Variants in NNMT observed in about 807,000 individuals in gnomAD.
NNMT encodes nicotinamide N-methyltransferase.
A neutral mutation model predicts 11.7 loss-of-function variants in NNMT; 10 were observed. The ratio of observed to expected loss-of-function variants is 0.85; its 90% CI spans 0.53 to 1.45. The LOEUF (loss-of-function observed/expected upper bound fraction) is 1.45. Ranked by LOEUF, NNMT falls within the 40% of genes most tolerant of loss-of-function variation. NNMT has a pLI of 0.00. For synonymous variants in NNMT, 143 were observed against 133.8 expected (o/e 1.07, Z -0.48); for missense variants, 381 against 319.4 (o/e 1.19, Z -1.47).
At chr11:114,307,597 C>T (rs1025953376) in intron 2 of NNMT, among the ~76,000 whole-genome samples, 4 of 152,214 alleles carry the variant, frequency 2.6e-5, no homozygotes, top group Middle Eastern at 3.4e-3. Flanking sequence ...CTTAGTGCTC[C>T]CTAGTGACTC....
Position 114,301,409 on chromosome 11 carries a change from A to G in NNMT, c.362+3251A>G, listed in dbSNP as rs543582610. 3.3e-5 allele frequency among the ~76,000 whole-genome samples: 5 copies of G among 152,352 alleles called. No individual in the cohort carries two copies. The South Asian group carries it at 1.0e-3, about 32-fold the overall frequency. On this transcript the variant is annotated intron_variant, in intron 2 of 2. Transcript: ENST00000299964. The stretch of plus-strand genomic sequence containing the variant: ...AGCGAATGAATAAATAAACTGTGGT[A>G]CATTTAGACAATGGAATAATATCCA...
rs558922534 is a variant in NNMT, at chr11:114,308,511, T to G, written c.363-3534T>G. ...CGGGGCCCTCCTCTTCATCCTTTCT[T>G]GCCTCCCTCCCTTCCTCCCCATACC... On this transcript the variant is annotated intron_variant, in intron 2 of 2. Coordinates refer to ENST00000299964, the MANE Select transcript of NNMT (RefSeq NM_006169.3). 4.0e-4 allele frequency among the ~76,000 whole-genome samples: 61 copies of G among 152,280 alleles called. 1 individual carries two copies. Among genetic ancestry groups the G allele is most frequent in the African/African-American group, 1.4e-3 (59 of 41,546 alleles).
chr11:114,304,979 G>A (rs888530949), intron 2 of NNMT, among the ~76,000 whole-genome samples: 5 of 151,988 alleles, frequency 3.3e-5, no homozygotes, highest in Admixed American at 6.6e-5. Flanking sequence ...TTAAGAAATT[G>A]TAGAAGCTGC....
At chr11:114,262,571 T>A (rs886408391) in intron 1 of NNMT, among the ~76,000 whole-genome samples, 5 of 152,298 alleles carry the variant, frequency 3.3e-5, no homozygotes, top group African/African-American at 1.2e-4. Context: ...ACCCCTGCAC[T>A]TGGCCTACAG....
At chr11:114,307,762 C>T (rs1424380569) in intron 2 of NNMT, among the ~76,000 whole-genome samples, 3 of 152,010 alleles carry the variant, frequency 2.0e-5, no homozygotes, top group Non-Finnish European at 4.4e-5. Context: ...TTGCGGTTTC[C>T]TCTTACTGGA....
Position 114,296,681 on chromosome 11 carries a change from T to G in NNMT, c.125T>G (p.Leu42Arg), listed in dbSNP as rs1004389572. The G allele has an allele frequency of 6.2e-7, 1 of 1,614,228 alleles. No homozygotes were observed. The highest frequency in any genetic ancestry group is 1.7e-5 in the Admixed American group (1 of 60,030). Residue 42 changes from leucine (L) to arginine (R), a missense_variant, in exon 1 of 3, where the codon CTG (leucine) becomes CGG (arginine). Transcript: ENST00000299964. ...SAESQILKHL[L>R]KNLFKIFCLD... is the part of the protein sequence containing the mutation. ...GAAAGCCAGATTCTTAAGCACCTTC[T>G]GAAAAATCTTTTCAAGATATTCTGC...
intron 2 of NNMT, among the ~76,000 whole-genome samples, chr11:114,288,870 G>C (rs2135263385): frequency 6.6e-6 from 1 of 152,208 alleles, no homozygotes; most frequent in African/African-American, 2.4e-5. Context: ...TCATGCTCAT[G>C]GGTGATTTTT....
chr11:114,302,587 T>C (rs1945448857), intron 2 of NNMT, among the ~76,000 whole-genome samples: 1 of 152,242 alleles, frequency 6.6e-6, no homozygotes, highest in Non-Finnish European at 1.5e-5. Context: ...TTTTTAATTT[T>C]GATTTTTAAA....
At chr11:114,263,441 C>T (rs1463891577) in intron 2 of NNMT, among the ~76,000 whole-genome samples, 1 of 152,230 alleles carries the variant, frequency 6.6e-6, no homozygotes, top group Non-Finnish European at 1.5e-5. Flanking sequence ...TTAGCAGCTC[C>T]AGAGCTGAGC....
At chr11:114,297,818 G>T in intron 1 of NNMT, 133 bp from the exon 2 acceptor site, 2 of 741,578 alleles carry the variant, frequency 2.7e-6, no homozygotes, top group Non-Finnish European at 4.5e-6. Context: ...ACATTTTGAG[G>T]GAAAAGTTGT....
rs935177389 is a variant in NNMT, at chr11:114,296,453, C to T, written c.-104C>T. The T allele has an allele frequency of 2.5e-6, 3 of 1,180,876 alleles. No homozygotes were observed. The highest frequency in any genetic ancestry group is 2.2e-5 in the Admixed American group (1 of 46,292). 73.1% of individuals were successfully genotyped at this position (1,180,876 alleles called of 1,614,324 possible). The stretch of plus-strand genomic sequence containing the variant: ...AAGGGCTGAACTGATGGAAGGAATG[C>T]TGTTAGCCTGAGACTCAGGAAGACA... On this transcript the variant is annotated 5_prime_UTR_variant, in exon 1 of 3. Transcript: ENST00000299964.
chr11:114,312,436 C>A lies in NNMT; in HGVS notation c.754C>A (p.Leu252Ile). ...TTCCACCATGGCCAACAACGAAGGA[C>A]TTTTCTCCCTGGTGGCGAGGAAGCT... ...YSSTMANNEG[L>I]FSLVARKLSR... is the part of the protein sequence containing the mutation. The change falls in exon 3 of 3, where the codon CTT becomes ATT. Residue 252 changes from leucine to isoleucine, a missense_variant. Coordinates refer to ENST00000299964, the MANE Select transcript of NNMT (RefSeq NM_006169.3). 6.2e-7 allele frequency: 1 copy of A among 1,614,154 alleles called. No homozygotes were observed. The highest frequency in any genetic ancestry group is 8.5e-7 in the Non-Finnish European group (1 of 1,179,986).
chr11:114,268,024 G>A (rs1300541737), intron 2 of NNMT, among the ~76,000 whole-genome samples: 5 of 152,178 alleles, frequency 3.3e-5, no homozygotes, highest in African/African-American at 9.7e-5. Flanking sequence ...TGTAGAAAGC[G>A]GTGATTATTA....
Position 114,312,399 on chromosome 11 carries a change from G to C in NNMT, c.717G>C (p.Ser239=). The C allele has an allele frequency of 6.2e-7, 1 of 1,614,222 alleles. No individual in the cohort carries two copies. Among genetic ancestry groups the C allele is most frequent in the African/African-American group, 1.3e-5 (1 of 75,060 alleles). Residue 239 remains serine, a synonymous_variant, in exon 3 of 3, where the codon TCG becomes TCC. Coordinates refer to ENST00000299964, the MANE Select transcript of NNMT (RefSeq NM_006169.3). The part of the protein sequence containing the change: ...GYTIEWFEVI[S]QSYSSTMANN... ...CAATCGAATGGTTTGAGGTGATCTC[G>C]CAAAGTTATTCTTCCACCATGGCCA... is the stretch of plus-strand genomic sequence containing the variant.
intron 2 of NNMT, among the ~76,000 whole-genome samples, chr11:114,278,280 C>G (rs534284995): frequency 1.4e-4 from 21 of 152,236 alleles, no homozygotes; most frequent in Non-Finnish European, 5.9e-5. Flanking sequence ...ACGATCTGCT[C>G]TCTTGTGAAA....
intron 1 of NNMT, among the ~76,000 whole-genome samples, chr11:114,297,115 AG>A (rs766641896): frequency 6.6e-6 from 1 of 152,196 alleles, no homozygotes; most frequent in Admixed American, 6.5e-5. Flanking sequence ...TGATTTTTGG[AG>A]AAAGACATTA....
At chr11:114,277,818 G>A (rs1945225616) in intron 2 of NNMT, among the ~76,000 whole-genome samples, 1 of 152,162 alleles carries the variant, frequency 6.6e-6, no homozygotes, top group Non-Finnish European at 1.5e-5. Context: ...ACAAATATTT[G>A]TGGAGTACTC....
chr11:114,295,257 A>C (rs942446198), upstream of NNMT, among the ~76,000 whole-genome samples: 1 of 152,144 alleles, frequency 6.6e-6, no homozygotes, highest in Admixed American at 6.5e-5. Context: ...CCTGGAATTA[A>C]GTGAAAGGAT....
rs759119578 is a variant in NNMT, at chr11:114,296,633, A to T, written c.77A>T (p.Lys26Met). The T allele has an allele frequency of 6.2e-7, 1 of 1,614,140 alleles. No individual in the cohort carries two copies. The highest frequency in any genetic ancestry group is 1.1e-5 in the South Asian group (1 of 91,076). ...NPRDYLEKYYKFGSRHSAESQ... is the reference protein window; with the variant it reads ...NPRDYLEKYYMFGSRHSAESQ... ...CGGGATTACCTAGAAAAATATTACAAGTTTGGTTCTAGGCACTCTGCAGAA... is the reference window on the plus strand; with the variant it reads ...CGGGATTACCTAGAAAAATATTACATGTTTGGTTCTAGGCACTCTGCAGAA... Residue 26 changes from lysine (K) to methionine (M), a missense_variant, in exon 1 of 3, where the codon AAG becomes ATG. By Grantham distance (95) the Lys-to-Met change is moderately conservative. Coordinates refer to ENST00000299964, the MANE Select transcript of NNMT (RefSeq NM_006169.3).
Sources: gnomAD v4.1 joint callset for allele counts (sites outside exome capture counted in the v4.1 genomes callset) on GRCh38, gnomAD v4.1.1 for gene constraint, MANE v1.5 for transcripts, NCBI Gene and HGNC (gene_info 2026-07-23, HGNC 2026-07-21) for gene names.